The following PNPT1 variants were observed in gnomAD, a reference collection of about 807,000 sequenced individuals.
PNPT1 encodes the protein polyribonucleotide nucleotidyltransferase 1, mitochondrial.
A neutral mutation model predicts 119.5 loss-of-function variants in PNPT1; 53 were observed. The ratio of observed to expected loss-of-function variants is 0.44; its 90% confidence interval spans 0.36 to 0.56. The LOEUF is 0.56. Ranked by LOEUF, PNPT1 falls within the 20% of genes least tolerant of loss-of-function variation. The pLI, the probability that PNPT1 is intolerant of heterozygous loss-of-function variation, is 0.00. For synonymous variants in PNPT1, 357 were observed against 322.1 expected, an observed-to-expected ratio of 1.11 and a Z score of -1.16; for missense variants, 948 against 938.5, an observed-to-expected ratio of 1.01 and a Z score of -0.13.
Position 55,642,358 on chromosome 2 carries a change from G to A in PNPT1, c.2069+800C>T, listed in dbSNP as rs539048622. On this transcript the variant is annotated intron_variant, in intron 25 of 27. Coordinates refer to ENST00000447944, the MANE Select transcript of PNPT1 (RefSeq NM_033109.5). ...GCGGTGGCTCAAGCCTGTAATCCCA[G>A]TACTTTGGGAGGCCGAGGGGGGCGG... is the stretch of plus-strand genomic sequence containing the variant. 7.8e-4 allele frequency among the ~76,000 whole-genome samples: 118 copies of A among 151,832 alleles called. 1 individual carries two copies. Among genetic ancestry groups the A allele is most frequent in the African/African-American group, 2.8e-3 (116 of 41,448 alleles).
rs1355379366 is a variant in PNPT1 at position 55,634,081 on chromosome 2, A to C, written c.*2156T>G. 2.0e-5 allele frequency among the ~76,000 whole-genome samples: 3 copies of C among 152,210 alleles called. No homozygotes were observed. The highest frequency in any genetic ancestry group is 7.2e-5 in the African/African-American group (3 of 41,460). ...CGATATCAAGTGTAGAAAGCAAATAAATTTAATCTTTCATTTTCAATTAAT... is the reference window on the plus strand; with the variant it reads ...CGATATCAAGTGTAGAAAGCAAATACATTTAATCTTTCATTTTCAATTAAT... On this transcript the variant is annotated 3_prime_UTR_variant, in exon 28 of 28. Transcript: ENST00000447944.
At position 55,687,110 on chromosome 2, in the gene PNPT1, A is replaced by C. The variant is rs369723950; in HGVS notation, c.222+535T>G. ...GTGCCTGTGGTCCCAGCTACTAAGG[A>C]GGCTGAGGCAGGAGAATGGCGTGAA... On this transcript the variant is annotated intron_variant, in intron 2 of 27. Transcript: ENST00000447944. Among the ~76,000 whole-genome samples the C allele has an allele frequency of 2.0e-3, 295 of 150,238 alleles. 9 individuals carry two copies. In the South Asian group the frequency reaches 0.058, roughly 29 times the overall value.
chr2:55,653,885 C>T (rs911612539), intron 18 of PNPT1, among the ~76,000 whole-genome samples: 3 of 152,180 alleles, frequency 2.0e-5, no homozygotes, highest in Admixed American at 1.3e-4. Context: ...CTTTTGTGGC[C>T]TCTTTAGTGT....
chr2:55,660,163 G>A lies in PNPT1; in HGVS notation c.1278C>T (p.His426=). 1 of 1,590,734 alleles carries A rather than the reference G, an allele frequency of 6.3e-7. No homozygotes were observed. The highest frequency in any genetic ancestry group is 8.6e-7 in the Non-Finnish European group (1 of 1,169,236). Residue 426 remains histidine, a synonymous_variant, in exon 15 of 28, where the codon CAC becomes CAT. Coordinates refer to ENST00000447944, the MANE Select transcript of PNPT1 (RefSeq NM_033109.5). The part of the protein sequence containing the change: ...NGIKDKNFML[H]YEFPPYATNE... The stretch of plus-strand genomic sequence containing the variant: ...GGAAAAAAATTCACCTTACCTCGTA[G>A]TGCAGCATGAAATTTTTATCTTTTA...
At chr2:55,651,792 A>T (rs7557134) in intron 18 of PNPT1, among the ~76,000 whole-genome samples, 67,165 of 140,652 alleles carry the variant, frequency 0.48, 16,825 homozygotes, top group Non-Finnish European at 0.56. Context: ...AAAAAAAATT[A>T]AAAAAAAAAA....
chr2:55,645,858 C>A (rs1266501708), intron 21 of PNPT1, among the ~76,000 whole-genome samples: 1 of 151,720 alleles, frequency 6.6e-6, no homozygotes, highest in African/African-American at 2.4e-5. Flanking sequence ...GAGACATTTT[C>A]CCTCTGTCAC....
At chr2:55,647,494 T>G (rs1559089700) in intron 18 of PNPT1, 41 bp from the exon 19 acceptor site, 3 of 1,459,264 alleles carry the variant, frequency 2.1e-6, no homozygotes, top group African/African-American at 2.8e-5. Context: ...AATGTGTACA[T>G]GAGCCTAAAA....
At chr2:55,671,657 A>G (rs1419435432) in intron 10 of PNPT1, among the ~76,000 whole-genome samples, 1 of 152,236 alleles carries the variant, frequency 6.6e-6, no homozygotes, top group Non-Finnish European at 1.5e-5. Flanking sequence ...CCTGGCCAAC[A>G]TGGCCGTCTC....
At chr2:55,647,686 A>C (rs1050807390) in intron 18 of PNPT1, among the ~76,000 whole-genome samples, 7 of 151,882 alleles carry the variant, frequency 4.6e-5, no homozygotes, top group Non-Finnish European at 1.0e-4. Context: ...CGCCTAGCTA[A>C]TTTGCTTGTA....
At chr2:55,638,303 GA>G (rs34343270) in intron 26 of PNPT1, among the ~76,000 whole-genome samples, 113,808 of 139,304 alleles carry the variant, frequency 0.82, 46,414 homozygotes, top group Non-Finnish European at 0.86. Context: ...CTCTGTCTCA[GA>G]AAAAAAAAAA....
intron 26 of PNPT1, 50 bp from the exon 27 acceptor site, chr2:55,637,649 G>A (rs747063351): frequency 1.5e-6 from 2 of 1,378,040 alleles, no homozygotes; most frequent in South Asian, 1.2e-5. Flanking sequence ...ATTATGTAGT[G>A]TCCATGGAAG....
rs772482996 is a variant in PNPT1 at position 55,680,864 on chromosome 2, T to C, written c.508A>G (p.Ile170Val). Residue 170 changes from isoleucine to valine, a missense_variant, in exon 6 of 28, where the codon ATT becomes GTT. By Grantham distance (29) the Ile-to-Val change is conservative (BLOSUM62 3). Transcript: ENST00000447944. ...DGVNEPDVLA[I>V]NGASVALSLS... ...CTACTTTTATACTTACCGCCATTAA[T>C]TGCTAGGACATCAGGCTCATTTACA... 3.7e-6 allele frequency: 6 copies of C among 1,614,044 alleles called. No individual in the cohort carries two copies. The highest frequency in any genetic ancestry group is 4.5e-5 in the East Asian group (2 of 44,868).
chr2:55,692,715 G>C (rs1697655326), intron 1 of PNPT1, among the ~76,000 whole-genome samples: 1 of 152,124 alleles, frequency 6.6e-6, no homozygotes, highest in Non-Finnish European at 1.5e-5. Flanking sequence ...AGATTGCGAG[G>C]ATCATATAAC....
chr2:55,687,590 G>T, intron 2 of PNPT1, 55 bp downstream of exon 2: 1 of 1,305,512 alleles, frequency 7.7e-7, no homozygotes. Flanking sequence ...TACACATTTA[G>T]TATGAGTCTC....
At chr2:55,676,413 C>T (rs1269908641) in intron 8 of PNPT1, among the ~76,000 whole-genome samples, 1 of 151,982 alleles carries the variant, frequency 6.6e-6, no homozygotes, top group African/African-American at 2.4e-5. Context: ...TTTTCCTGAC[C>T]GATATCTTCT....
At chr2:55,644,566 T>A (rs1695928889) in intron 23 of PNPT1, 71 bp downstream of exon 23, 1 of 1,099,172 alleles carries the variant, frequency 9.1e-7, no homozygotes, top group African/African-American at 1.6e-5. Context: ...AGCAACATAC[T>A]AGAGATGAAA....
At chr2:55,662,052 G>T in intron 13 of PNPT1, 26 bp from the exon 14 acceptor site, 1 of 1,513,358 alleles carries the variant, frequency 6.6e-7, no homozygotes, top group African/African-American at 1.4e-5. Flanking sequence ...AATTCCTCAG[G>T]CTTTAATATA....
At chr2:55,691,470 C>G (rs1697597750) in intron 1 of PNPT1, among the ~76,000 whole-genome samples, 1 of 152,108 alleles carries the variant, frequency 6.6e-6, no homozygotes, top group Non-Finnish European at 1.5e-5. Flanking sequence ...ATTTATCCAG[C>G]AGGTATGATA....
At chr2:55,667,831 C>T in intron 12 of PNPT1, 31 bp downstream of exon 12, 1 of 1,581,240 alleles carries the variant, frequency 6.3e-7, no homozygotes, top group South Asian at 1.2e-5. Context: ...ACAGTGCATA[C>T]TTCAATTTCA....
Sources: gnomAD v4.1 joint callset for allele counts (sites outside exome capture counted in the v4.1 genomes callset) on GRCh38, gnomAD v4.1.1 for gene constraint, MANE v1.5 for transcripts, NCBI Gene and HGNC (gene_info 2026-07-23, HGNC 2026-07-21) for gene names.